Variants in SLC12A7 observed in about 807,000 individuals in gnomAD.
The protein encoded by SLC12A7 is solute carrier family 12 member 7, also known as K-Cl cotransporter 4.
Under a neutral mutation model 120.6 loss-of-function variants are expected in SLC12A7, and 100 were observed. The ratio of observed to expected loss-of-function variants is 0.83; its 90% confidence interval spans 0.71 to 0.98. The LOEUF (loss-of-function observed/expected upper bound fraction) is 0.98, where lower values mean the gene tolerates loss of function less well. Ranked by LOEUF, SLC12A7 falls within the 50% of genes least tolerant of loss-of-function variation. SLC12A7 has a pLI of 0.00. For missense variants in SLC12A7, 1,373 were observed against 1,548.1 expected, an observed-to-expected ratio of 0.89 and a Z score of 1.90; for synonymous variants, 760 against 678.0, an observed-to-expected ratio of 1.12 and a Z score of -1.88.
intron 1 of SLC12A7, among the ~76,000 whole-genome samples, chr5:1,104,925 C>T (rs1213623206): frequency 6.6e-6 from 1 of 151,454 alleles, no homozygotes; most frequent in Non-Finnish European, 1.5e-5. Context: ...ACACGCCCCT[C>T]CCCGCAGGGG....
At chr5:1,143,986 CCTCCTACCCCTG>C in the SLC12A7 span, among the ~76,000 whole-genome samples, 6 of 152,096 alleles carry the variant, frequency 3.9e-5, no homozygotes, top group African/African-American at 9.7e-5. Flanking sequence ...GGCACCCTGC[CCTCCTACCCCTG>C]GCTGGCTCGG....
At chr5:1,121,430 C>T in the SLC12A7 span, among the ~76,000 whole-genome samples, 8 of 152,216 alleles carry the variant, frequency 5.3e-5, no homozygotes, top group Admixed American at 3.3e-4. Flanking sequence ...GTGCGGATCC[C>T]CCTGCAGCCG....
chr5:1,074,202 GC>G (rs1181272014), intron 16 of SLC12A7, among the ~76,000 whole-genome samples: 1 of 151,474 alleles, frequency 6.6e-6, no homozygotes, highest in South Asian at 2.1e-4. Context: ...CACACCCGAG[GC>G]CCCCGCCGAG....
chr5:1,149,552 G>A, the SLC12A7 span, among the ~76,000 whole-genome samples: 2 of 151,940 alleles, frequency 1.3e-5, no homozygotes, highest in Admixed American at 6.6e-5. Flanking sequence ...ACTGCGGCCT[G>A]GGCAACAGAG....
At position 1,085,270 on chromosome 5, in the gene SLC12A7, G is replaced by A. The variant is rs757854555; in HGVS notation, c.879C>T (p.Ala293=). 2.5e-5 allele frequency: 41 copies of A among 1,612,222 alleles called. No individual in the cohort carries two copies. Among genetic ancestry groups the A allele is most frequent in the South Asian group, 4.4e-5 (4 of 91,032 alleles). The change falls in exon 7 of 24, where the codon GCC becomes GCT. Residue 293 remains alanine, a synonymous_variant. Transcript: ENST00000264930. The stretch of plus-strand genomic sequence containing the variant: ...GGTCGAAGGCAGACTTGATGACGCC[G>A]GCATAGATGGCCAGGATGGACAGCA... ...CVVLSILAIY[A]GVIKSAFDPP...
intron 8 of SLC12A7, among the ~76,000 whole-genome samples, chr5:1,083,185 T>C (rs1290977602): frequency 1.5e-5 from 2 of 131,818 alleles, no homozygotes; most frequent in Non-Finnish European, 1.6e-5. Flanking sequence ...CCGGGCTTCC[T>C]CTCTAGGGTT....
chr5:1,133,483 C>T, the SLC12A7 span, among the ~76,000 whole-genome samples: 1 of 152,184 alleles, frequency 6.6e-6, no homozygotes, highest in Non-Finnish European at 1.5e-5. Flanking sequence ...CATGAGGTGC[C>T]TGTTCTTTCC....
chr5:1,064,248 G>A lies in SLC12A7; in HGVS notation c.2442C>T (p.Thr814=), dbSNP rs141189884. The A allele has an allele frequency of 4.8e-4, 773 of 1,608,836 alleles. 4 individuals carry two copies. Among genetic ancestry groups the A allele is most frequent in the South Asian group, 3.3e-3 (302 of 90,534 alleles). ...NPFSWKNFVD[T]VRDTTAAHQA... The stretch of plus-strand genomic sequence containing the variant: ...GGTGCGCGGCGGTGGTGTCGCGGAC[G>A]GTGTCTGCGGAGAGAGGCGGCCGTC... Residue 814 remains threonine, a synonymous_variant, in exon 19 of 24, where the codon ACC becomes ACT. Coordinates refer to ENST00000264930, the MANE Select transcript of SLC12A7 (RefSeq NM_006598.3).
At chr5:1,090,668 G>A (rs1006104075) in intron 3 of SLC12A7, among the ~76,000 whole-genome samples, 5 of 152,214 alleles carry the variant, frequency 3.3e-5, no homozygotes, top group Non-Finnish European at 7.4e-5. Context: ...AGAGCTCCAG[G>A]CAGAGACGCG....
the SLC12A7 span, among the ~76,000 whole-genome samples, chr5:1,142,779 C>T: frequency 9.3e-6 from 1 of 108,026 alleles, no homozygotes; most frequent in African/African-American, 3.5e-5. Flanking sequence ...CTAGAATACC[C>T]GTGACCATCA....
chr5:1,077,119 G>A (rs1042104171), intron 12 of SLC12A7, among the ~76,000 whole-genome samples: 23 of 147,340 alleles, frequency 1.6e-4, no homozygotes, highest in Admixed American at 1.2e-3. Flanking sequence ...GGGCACTCGC[G>A]GTTCCCCAGA....
At chr5:1,139,833 C>T in the SLC12A7 span, among the ~76,000 whole-genome samples, 91 of 152,388 alleles carry the variant, frequency 6.0e-4, 1 homozygote, top group Admixed American at 2.0e-3. Flanking sequence ...CCCCACGGTT[C>T]TGGGACACTT....
At chr5:1,123,318 G>A in the SLC12A7 span, among the ~76,000 whole-genome samples, 76 of 152,088 alleles carry the variant, frequency 5.0e-4, no homozygotes, top group East Asian at 0.012. Context: ...AGGAGTGGTC[G>A]CAGGGACCCC....
At chr5:1,125,883 T>A in the SLC12A7 span, among the ~76,000 whole-genome samples, 1 of 135,964 alleles carries the variant, frequency 7.4e-6, no homozygotes, top group Admixed American at 8.0e-5. Flanking sequence ...TGAGATCACA[T>A]CACTGCACTC....
chr5:1,108,153 T>A (rs944898178), intron 1 of SLC12A7, among the ~76,000 whole-genome samples: 1 of 152,224 alleles, frequency 6.6e-6, no homozygotes. Flanking sequence ...CACACGTGGA[T>A]ACACCTGCAC....
rs1303076379 is a variant in SLC12A7 at position 1,050,748 on chromosome 5, A to T, written c.*1612T>A. On this transcript the variant is annotated 3_prime_UTR_variant, in exon 24 of 24. Coordinates refer to ENST00000264930, the MANE Select transcript of SLC12A7 (RefSeq NM_006598.3). Reference sequence around the variant, plus strand: ...GGAGGAGCGTTTTGCTGCTTAACTCATGCTTAGCCAAGGCAGGCAGAGGCT... The same window carrying T: ...GGAGGAGCGTTTTGCTGCTTAACTCTTGCTTAGCCAAGGCAGGCAGAGGCT... The T allele has an allele frequency of 1.5e-5, 6 of 397,682 alleles. No homozygotes were observed. Among genetic ancestry groups the T allele is most frequent in the Admixed American group, 4.4e-5 (1 of 22,726 alleles). The allele number at this position is 397,682 out of a possible 1,614,324, so 24.6% of individuals were successfully genotyped here. A position where few individuals can be genotyped will look rare whatever the true frequency, so the allele number is the denominator to read the frequency against.
At chr5:1,142,610 C>T in the SLC12A7 span, among the ~76,000 whole-genome samples, 1 of 146,176 alleles carries the variant, frequency 6.8e-6, no homozygotes, top group African/African-American at 2.6e-5. Context: ...GTTTTTCTGT[C>T]TCTGTGTCTC....
At chr5:1,079,255 A>G (rs1159092560) in intron 10 of SLC12A7, 143 bp downstream of exon 10, 5 of 659,016 alleles carry the variant, frequency 7.6e-6, no homozygotes, top group Admixed American at 2.6e-5. Flanking sequence ...CCCGTCTCCC[A>G]GGGAGGATGA....
chr5:1,074,163 C>G (rs143785560), intron 16 of SLC12A7, among the ~76,000 whole-genome samples: 1 of 152,198 alleles, frequency 6.6e-6, no homozygotes, highest in African/African-American at 2.4e-5. Context: ...AAGCCCCCAC[C>G]GAGGCCCTGA....
Sources: allele counts gnomAD v4.1 joint callset (sites outside exome capture counted in the v4.1 genomes callset), GRCh38; gene constraint gnomAD v4.1.1; transcripts MANE v1.5; gene names NCBI Gene and HGNC (gene_info 2026-07-23, HGNC 2026-07-21).